Variants in RAPGEF2 observed in about 807,000 individuals in gnomAD.
RAPGEF2 encodes PDZ domain containing guanine nucleotide exchange factor (GEF) 1.
RAPGEF2 carries 54 observed loss-of-function variants against 186.7 expected under a neutral mutation model. The ratio of observed to expected loss-of-function variants is 0.29; its 90% CI spans 0.23 to 0.36. The LOEUF (loss-of-function observed/expected upper bound fraction) is 0.36. RAPGEF2 is among the 10% of genes least tolerant of loss of function. The pLI, the probability that RAPGEF2 is intolerant of heterozygous loss-of-function variation, is 1.00. For synonymous variants in RAPGEF2, 712 were observed against 705.9 expected, an observed-to-expected ratio of 1.01 and a Z score of -0.14; for missense variants, 1,532 against 2,045.0, an observed-to-expected ratio of 0.75 and a Z score of 4.84.
chr4:159,162,375 CAG>C (rs1018773062), intron 1 of RAPGEF2, among the ~76,000 whole-genome samples: 15 of 143,556 alleles, frequency 1.0e-4, no homozygotes, highest in South Asian at 2.2e-4. Context: ...GCCTGGATGA[CAG>C]AGTGAGATAC....
At chr4:159,263,639 A>G (rs560410027) in intron 7 of RAPGEF2, among the ~76,000 whole-genome samples, 5 of 152,276 alleles carry the variant, frequency 3.3e-5, no homozygotes, top group Admixed American at 6.5e-5. Context: ...TTATTTTTCT[A>G]TTAAAGATAA....
Position 159,260,282 on chromosome 4 carries a change from A to ATT in RAPGEF2, c.543+16505_543+16506dup, listed in dbSNP as rs879644732. 6.9e-3 allele frequency among the ~76,000 whole-genome samples: 1,003 copies of ATT among 144,828 alleles called. 17 individuals are homozygous for ATT. The highest frequency in any genetic ancestry group is 0.024 in the African/African-American group (945 of 39,678). On this transcript the variant is annotated intron_variant, in intron 7 of 29. Coordinates refer to ENST00000691494, the MANE Select transcript of RAPGEF2 (RefSeq NM_001394067.2). ...TGTGTGAGCCACTGCACCCAGCCTA[A>ATT]TTTTTTTTTTTTTTTAAAGTAAGGG...
chr4:159,206,506 A>G (rs1284276212), intron 3 of RAPGEF2, among the ~76,000 whole-genome samples: 3 of 152,156 alleles, frequency 2.0e-5, no homozygotes, highest in Admixed American at 2.0e-4. Context: ...TGCTGCTACT[A>G]CTAAGTACTA....
At chr4:159,181,229 T>TA (rs1212179227) in intron 1 of RAPGEF2, among the ~76,000 whole-genome samples, 1 of 152,196 alleles carries the variant, frequency 6.6e-6, no homozygotes, top group African/African-American at 2.4e-5. Context: ...TTCAAGGCCT[T>TA]TTGTTCTATT....
intron 7 of RAPGEF2, among the ~76,000 whole-genome samples, chr4:159,300,754 C>G (rs1762556181): frequency 6.6e-6 from 1 of 152,074 alleles, no homozygotes; most frequent in Non-Finnish European, 1.5e-5. Flanking sequence ...TAAATTGGGA[C>G]TGGGTCAAGC....
chr4:159,207,222 A>G (rs1423749724), intron 3 of RAPGEF2, among the ~76,000 whole-genome samples: 1 of 152,230 alleles, frequency 6.6e-6, no homozygotes, highest in East Asian at 1.9e-4. Context: ...ACTTACCTTC[A>G]CATCCTCAAA....
intron 7 of RAPGEF2, among the ~76,000 whole-genome samples, chr4:159,303,855 G>A (rs565084361): frequency 6.6e-6 from 1 of 152,132 alleles, no homozygotes; most frequent in East Asian, 1.9e-4. Flanking sequence ...TCTTTGTAGA[G>A]CCTAGTACAG....
intron 1 of RAPGEF2, among the ~76,000 whole-genome samples, chr4:159,165,666 G>T (rs1443915525): frequency 6.6e-6 from 1 of 152,118 alleles, no homozygotes; most frequent in Non-Finnish European, 1.5e-5. Flanking sequence ...TGACCAGGCC[G>T]GAGTGCAGTG....
chr4:159,201,980 C>G (rs1325929033), intron 3 of RAPGEF2, among the ~76,000 whole-genome samples: 1 of 152,182 alleles, frequency 6.6e-6, no homozygotes, highest in Admixed American at 6.5e-5. Flanking sequence ...GAATGTGATA[C>G]TGTGCGGTAT....
intron 4 of RAPGEF2, among the ~76,000 whole-genome samples, chr4:159,215,785 G>T (rs1275633126): frequency 6.6e-6 from 1 of 152,106 alleles, no homozygotes; most frequent in African/African-American, 2.4e-5. Context: ...TAAGGTTGAA[G>T]GGAAATTAAT....
At chr4:159,136,458 A>G (rs184294490) in intron 1 of RAPGEF2, among the ~76,000 whole-genome samples, 47 of 152,308 alleles carry the variant, frequency 3.1e-4, no homozygotes, top group Non-Finnish European at 2.8e-4. Context: ...TAGCTTTAGA[A>G]CAAGGAGAGT....
chr4:159,187,700 A>G (rs1279254098), intron 2 of RAPGEF2, among the ~76,000 whole-genome samples: 3 of 152,224 alleles, frequency 2.0e-5, no homozygotes. Context: ...ATTAAAGAAC[A>G]AAAATGATTT....
intron 7 of RAPGEF2, chr4:159,268,140 CAT>C (rs1561178121): frequency 6.2e-7 from 1 of 1,613,118 alleles, no homozygotes; most frequent in South Asian, 1.1e-5. Context: ...TTCAGTTCAG[CAT>C]ATGTTTCTTC....
chr4:159,317,526 C>A (rs1331730816), intron 9 of RAPGEF2, among the ~76,000 whole-genome samples: 5 of 152,072 alleles, frequency 3.3e-5, no homozygotes, highest in Non-Finnish European at 5.9e-5. Flanking sequence ...TCTGTTTCAC[C>A]CCCTGAAGAC....
intron 7 of RAPGEF2, among the ~76,000 whole-genome samples, chr4:159,300,663 ATGG>A (rs1357175564): frequency 6.6e-6 from 1 of 152,170 alleles, no homozygotes; most frequent in African/African-American, 2.4e-5. Flanking sequence ...TCTGTTATAA[ATGG>A]TGGCTACAGT....
chr4:159,301,717 G>C (rs375832164), intron 7 of RAPGEF2, among the ~76,000 whole-genome samples: 2 of 152,120 alleles, frequency 1.3e-5, no homozygotes, highest in African/African-American at 4.8e-5. Context: ...AAATTAGCTA[G>C]ACATGGTGGC....
intron 7 of RAPGEF2, among the ~76,000 whole-genome samples, chr4:159,248,230 A>C (rs1561141896): frequency 6.6e-6 from 1 of 152,196 alleles, no homozygotes; most frequent in East Asian, 1.9e-4. Context: ...CAAGCAGATT[A>C]TTCTTTAATC....
chr4:159,108,422 A>G (rs1437604779), intron 1 of RAPGEF2, among the ~76,000 whole-genome samples: 4 of 134,820 alleles, frequency 3.0e-5, no homozygotes, highest in Non-Finnish European at 4.7e-5. Context: ...GAAGATGACC[A>G]CCTTGGTTTT....
At chr4:159,260,953 T>C (rs1257228947) in intron 7 of RAPGEF2, among the ~76,000 whole-genome samples, 3 of 152,244 alleles carry the variant, frequency 2.0e-5, no homozygotes, top group Admixed American at 2.0e-4. Flanking sequence ...TTTGTCCATA[T>C]TGGTCAGGCT....
Sources: gnomAD v4.1 joint callset for allele counts (sites outside exome capture counted in the v4.1 genomes callset) on GRCh38, gnomAD v4.1.1 for gene constraint, MANE v1.5 for transcripts, NCBI Gene and HGNC (gene_info 2026-07-23, HGNC 2026-07-21) for gene names.